BCLAF3: variants seen among roughly 807,000 people sequenced by gnomAD.
BCLAF3 encodes the protein transient octamer binding factor 1.
In BCLAF3, 24 loss-of-function variants were observed where a neutral mutation model predicts 51.2. The observed-to-expected ratio is 0.47, with a 90% confidence interval of 0.34 to 0.66. BCLAF3 has a LOEUF of 0.66. BCLAF3 is among the 30% of genes least tolerant of loss of function. The probability of loss-of-function intolerance (pLI) is 0.01; values close to 1 mark genes in which losing one functional copy is unlikely to be tolerated. For synonymous variants in BCLAF3, 152 were observed against 176.6 expected (o/e 0.86, Z 1.10); for missense variants, 465 against 525.1 (o/e 0.89, Z 1.12).
Position 19,973,476 on chromosome X carries a change from G to A in BCLAF3, c.-34-3178C>T, listed in dbSNP as rs372558915. Among the ~76,000 whole-genome samples the A allele has an allele frequency of 2.7e-5, 3 of 111,280 alleles. No homozygotes were observed. The East Asian group carries it at 8.5e-4, about 31-fold the overall frequency. Reference sequence around the variant, plus strand: ...AAATGTAAGATAGATACATCTAGTTGCTTCCTACCTTTCTCCCAGCCTTAT... The same window carrying A: ...AAATGTAAGATAGATACATCTAGTTACTTCCTACCTTTCTCCCAGCCTTAT... On this transcript the variant is annotated intron_variant, in intron 1 of 11. Transcript: ENST00000379682.
Position 19,990,953 on chromosome X carries a change from C to CCGG in BCLAF3, c.-81_-80insCCG, listed in dbSNP as rs2072912520. ...GCCGCCGCCGCCGCCGCCGCCGCCG[C>CCGG]CGCCGCCGCCGCCGCCGCCGGCCCC... is the stretch of plus-strand genomic sequence containing the variant. On this transcript the variant is annotated 5_prime_UTR_variant, in exon 1 of 12. Transcript: ENST00000379682. Among the ~76,000 whole-genome samples the CCGG allele has an allele frequency of 9.7e-6, 1 of 103,486 alleles. No homozygotes were observed. The highest frequency in any genetic ancestry group is 3.4e-5 in the African/African-American group (1 of 29,086). The allele number at this position is 103,486 out of a possible 115,157, so 89.9% of individuals were successfully genotyped here.
chrX:19,977,960 A>C (rs78843730), intron 1 of BCLAF3, among the ~76,000 whole-genome samples: 1 of 110,948 alleles, frequency 9.0e-6, no homozygotes, highest in Non-Finnish European at 1.9e-5. Flanking sequence ...GTGACAGCAC[A>C]TCTGTTTACA....
At position 19,955,513 on chromosome X, in the gene BCLAF3, A is replaced by G. The variant is rs771333615; in HGVS notation, c.1328T>C (p.Val443Ala). The G allele has an allele frequency of 8.3e-7, 1 of 1,204,176 alleles. No homozygotes were observed. The highest frequency in any genetic ancestry group is 3.0e-5 in the East Asian group (1 of 33,345). ...ERQMSHDLVAVGRKSENFHPV... is the reference protein window; with the variant it reads ...ERQMSHDLVAAGRKSENFHPV... Reference sequence around the variant, plus strand: ...ATGAAAGTTCTCACTTTTCCTGCCAACAGCAACCAAATCATGTGACATCTG... The same window carrying G: ...ATGAAAGTTCTCACTTTTCCTGCCAGCAGCAACCAAATCATGTGACATCTG... The change falls in exon 5 of 12, where the codon GTT becomes GCT. Residue 443 changes from valine to alanine, a missense_variant. Coordinates refer to ENST00000379682, the MANE Select transcript of BCLAF3 (RefSeq NM_001367774.2).
intron 2 of BCLAF3, 148 bp from the exon 3 acceptor site, chrX:19,966,797 A>G: frequency 4.1e-6 from 2 of 482,819 alleles, no homozygotes; most frequent in South Asian, 6.6e-5. Flanking sequence ...TGCATTCTAA[A>G]TTGTACATCT....
At chrX:19,990,710 G>A in intron 1 of BCLAF3, among the ~76,000 whole-genome samples, 198 bp downstream of exon 1, 1 of 112,975 alleles carries the variant, frequency 8.9e-6, no homozygotes, top group East Asian at 2.8e-4. Context: ...ACCCGCGCCG[G>A]GTCGCCGCGC....
At chrX:19,939,960 C>G (rs920186559) in intron 8 of BCLAF3, among the ~76,000 whole-genome samples, 3 of 112,190 alleles carry the variant, frequency 2.7e-5, no homozygotes, top group African/African-American at 6.5e-5. Flanking sequence ...TCAATGGAAA[C>G]AGACTTTCTG....
At chrX:19,986,836 C>T (rs2072815653) in intron 1 of BCLAF3, among the ~76,000 whole-genome samples, 1 of 105,596 alleles carries the variant, frequency 9.5e-6, no homozygotes, top group Admixed American at 1.0e-4. Context: ...CCAGGTCTCA[C>T]CCCCTCACCC....
intron 11 of BCLAF3, among the ~76,000 whole-genome samples, chrX:19,926,776 G>T (rs752773949): frequency 2.6e-4 from 29 of 111,467 alleles, no homozygotes; most frequent in African/African-American, 8.5e-4. Context: ...CAGTCAGGCT[G>T]CCATCTGTGA....
At chrX:19,931,143 G>A (rs1409035187) in intron 10 of BCLAF3, among the ~76,000 whole-genome samples, 1 of 112,289 alleles carries the variant, frequency 8.9e-6, no homozygotes, top group Non-Finnish European at 1.9e-5. Context: ...AGACATAAGA[G>A]GACAACGAAT....
chrX:19,982,209 G>C (rs763148645), intron 1 of BCLAF3, among the ~76,000 whole-genome samples: 1 of 111,572 alleles, frequency 9.0e-6, no homozygotes, highest in South Asian at 3.7e-4. Context: ...TTGGAAGGCA[G>C]AGGCAGGCAG....
chrX:19,980,612 G>A (rs2072578364), intron 1 of BCLAF3, among the ~76,000 whole-genome samples: 1 of 111,221 alleles, frequency 9.0e-6, no homozygotes, highest in African/African-American at 3.3e-5. Flanking sequence ...CTAAAAGAAA[G>A]ATAAGGATGA....
chrX:19,948,120 C>T (rs937749200), intron 8 of BCLAF3, among the ~76,000 whole-genome samples: 2 of 111,916 alleles, frequency 1.8e-5, no homozygotes, highest in Non-Finnish European at 3.8e-5. Context: ...ATAGCACAGC[C>T]GCTTTGGAAA....
chrX:19,945,052 T>A (rs1224613341), intron 8 of BCLAF3, among the ~76,000 whole-genome samples: 1 of 108,505 alleles, frequency 9.2e-6, no homozygotes, highest in African/African-American at 3.4e-5. Context: ...TACCCTTTCT[T>A]CCAGTTGATC....
At chrX:19,936,394 A>G (rs1005801579) in intron 9 of BCLAF3, among the ~76,000 whole-genome samples, 1 of 112,232 alleles carries the variant, frequency 8.9e-6, no homozygotes, top group Admixed American at 9.5e-5. Context: ...GAACTACATT[A>G]GTAAGTCTGT....
intron 1 of BCLAF3, among the ~76,000 whole-genome samples, chrX:19,982,585 G>GCA (rs1229698876): frequency 5.0e-5 from 4 of 79,318 alleles, no homozygotes; most frequent in East Asian, 3.6e-4. Flanking sequence ...ACACACACAC[G>GCA]CACACACACA....
At chrX:19,933,099 T>C (rs1603303937) in intron 10 of BCLAF3, among the ~76,000 whole-genome samples, 1 of 111,872 alleles carries the variant, frequency 8.9e-6, no homozygotes, top group South Asian at 3.7e-4. Flanking sequence ...GGAGCTGCTG[T>C]TGCTTTTTAA....
At chrX:19,982,658 G>A (rs1247097931) in intron 1 of BCLAF3, among the ~76,000 whole-genome samples, 1 of 109,213 alleles carries the variant, frequency 9.2e-6, no homozygotes, top group Non-Finnish European at 1.9e-5. Flanking sequence ...TAAGTACAAA[G>A]GTAAACGATT....
intron 9 of BCLAF3, among the ~76,000 whole-genome samples, chrX:19,936,906 T>C: frequency 8.9e-6 from 1 of 112,175 alleles, no homozygotes; most frequent in South Asian, 3.7e-4. Flanking sequence ...TTTGGTTAAT[T>C]TACTAAAAAT....
At chrX:19,962,051 A>G (rs1387825086) in intron 4 of BCLAF3, among the ~76,000 whole-genome samples, 2 of 112,697 alleles carry the variant, frequency 1.8e-5, no homozygotes, top group African/African-American at 3.2e-5. Flanking sequence ...AGTATCTCTA[A>G]TGAGGTCTAT....
Sources: gnomAD v4.1 joint callset for allele counts (sites outside exome capture counted in the v4.1 genomes callset) on GRCh38, gnomAD v4.1.1 for gene constraint, MANE v1.5 for transcripts, NCBI Gene and HGNC (gene_info 2026-07-23, HGNC 2026-07-21) for gene names.